Variants in FGF14 observed in about 807,000 individuals in gnomAD.
FGF14 encodes fibroblast growth factor 14, also known as fibroblast growth factor homologous factor 4.
Under a neutral mutation model 25.5 loss-of-function variants are expected in FGF14, and 5 were observed. The observed-to-expected ratio is 0.20, with a 90% confidence interval of 0.10 to 0.41. The LOEUF (loss-of-function observed/expected upper bound fraction) is 0.41. FGF14 is among the 10% of genes least tolerant of loss of function. FGF14 has a pLI of 1.00. For synonymous variants in FGF14, 138 were observed against 118.3 expected, an observed-to-expected ratio of 1.17 and a Z score of -1.08; for missense variants, 222 against 320.1, an observed-to-expected ratio of 0.69 and a Z score of 2.34.
intron 1 of FGF14, among the ~76,000 whole-genome samples, chr13:101,889,236 TA>T (rs199813455): frequency 6.6e-6 from 1 of 151,884 alleles, no homozygotes; most frequent in African/African-American, 2.4e-5. Flanking sequence ...AATTGCCATT[TA>T]AAAAAAATAA....
At chr13:101,812,638 TATATATATATATA>T (rs1297398734) in intron 3 of FGF14, among the ~76,000 whole-genome samples, 48 of 13,794 alleles carry the variant, frequency 3.5e-3, no homozygotes, top group Non-Finnish European at 5.2e-3. Context: ...TATATATATA[TATATATATATATA>T]TATTTTTTTT....
chr13:102,046,430 T>A (rs1369228987), intron 1 of FGF14, among the ~76,000 whole-genome samples: 5 of 152,200 alleles, frequency 3.3e-5, no homozygotes, highest in Non-Finnish European at 7.4e-5. Flanking sequence ...ATGTTATTAC[T>A]ATTTTAAAGA....
At chr13:102,163,562 C>A (rs2047871671) in intron 1 of FGF14, among the ~76,000 whole-genome samples, 1 of 152,094 alleles carries the variant, frequency 6.6e-6, no homozygotes, top group Admixed American at 6.6e-5. Context: ...CTTAGAGAAG[C>A]ACCAACTAGG....
At chr13:101,997,307 C>T (rs748362549) in intron 1 of FGF14, among the ~76,000 whole-genome samples, 74 of 152,234 alleles carry the variant, frequency 4.9e-4, no homozygotes, top group Non-Finnish European at 9.6e-4. Flanking sequence ...TGAATGGATG[C>T]TGCTTTGATT....
At chr13:102,214,274 T>C (rs1314869961) in intron 1 of FGF14, among the ~76,000 whole-genome samples, 1 of 152,238 alleles carries the variant, frequency 6.6e-6, no homozygotes, top group Non-Finnish European at 1.5e-5. Flanking sequence ...TTCAACCAAA[T>C]GATGAAATGT....
intron 1 of FGF14, chr13:102,046,127 A>T (rs1333102137): frequency 1.3e-5 from 2 of 154,300 alleles, no homozygotes; most frequent in Non-Finnish European, 2.9e-5. Flanking sequence ...CTGGGCAGGA[A>T]ACACTGACTC....
intron 1 of FGF14, among the ~76,000 whole-genome samples, chr13:102,230,436 G>C (rs6491672): frequency 0.81 from 122,962 of 152,142 alleles, 50,086 homozygotes; most frequent in African/African-American, 0.91. Flanking sequence ...CAATTACAAA[G>C]TAAAATAAAA....
At chr13:101,855,718 A>T (rs1259432407) in intron 3 of FGF14, among the ~76,000 whole-genome samples, 1 of 151,990 alleles carries the variant, frequency 6.6e-6, no homozygotes, top group African/African-American at 2.4e-5. Flanking sequence ...AGAACTGACC[A>T]TGAAGCATAA....
chr13:102,009,423 G>A (rs777513091), intron 1 of FGF14, among the ~76,000 whole-genome samples: 53 of 152,028 alleles, frequency 3.5e-4, no homozygotes, highest in Non-Finnish European at 6.0e-4. Flanking sequence ...TCAGTTTGAC[G>A]TGCATGAGTT....
intron 1 of FGF14, among the ~76,000 whole-genome samples, chr13:101,903,856 T>C (rs1333280594): frequency 1.3e-5 from 2 of 151,856 alleles, no homozygotes; most frequent in South Asian, 2.1e-4. Flanking sequence ...TTTGTGTTTG[T>C]TTGCTTGTTT....
chr13:102,125,089 A>T lies in FGF14; in HGVS notation c.209-249793T>A, dbSNP rs114050953. Among the ~76,000 whole-genome samples, 655 of 152,158 alleles carry T rather than the reference A, an allele frequency of 4.3e-3. 5 individuals are homozygous for T. The highest frequency in any genetic ancestry group is 0.015 in the African/African-American group (626 of 41,560). On this transcript the variant is annotated intron_variant, in intron 1 of 4. Coordinates refer to the FGF14 transcript ENST00000376131. Reference sequence around the variant, plus strand: ...GTTTTTTGTTTATCTCTTTTGAAAAACTTTAAACTGTGGATTGCTTCATCT... The same window carrying T: ...GTTTTTTGTTTATCTCTTTTGAAAATCTTTAAACTGTGGATTGCTTCATCT...
intron 1 of FGF14, among the ~76,000 whole-genome samples, chr13:101,994,315 A>G (rs958833007): frequency 6.6e-6 from 1 of 152,060 alleles, no homozygotes; most frequent in Non-Finnish European, 1.5e-5. Flanking sequence ...AGATTAATTA[A>G]TGTCAGTATA....
chr13:102,267,105 T>C (rs1045148123), intron 1 of FGF14, among the ~76,000 whole-genome samples: 3 of 152,206 alleles, frequency 2.0e-5, no homozygotes, highest in African/African-American at 7.2e-5. Context: ...GTGAAGTTAC[T>C]GGACCTTAAG....
chr13:102,329,087 C>A (rs1457234878), intron 1 of FGF14, among the ~76,000 whole-genome samples: 1 of 152,184 alleles, frequency 6.6e-6, no homozygotes, highest in African/African-American at 2.4e-5. Context: ...CCACTATGAC[C>A]TAACTGCTGA....
intron 3 of FGF14, among the ~76,000 whole-genome samples, chr13:101,754,444 A>G (rs2037509382): frequency 6.6e-6 from 1 of 152,094 alleles, no homozygotes; most frequent in Non-Finnish European, 1.5e-5. Context: ...AACAATAACA[A>G]ATGGCCAGGT....
chr13:102,314,881 C>A (rs959006023), intron 1 of FGF14, among the ~76,000 whole-genome samples: 1 of 151,090 alleles, frequency 6.6e-6, no homozygotes, highest in Non-Finnish European at 1.5e-5. Flanking sequence ...GATCTCACTT[C>A]TATTAGCTTT....
At chr13:101,972,756 G>T (rs147245334) in intron 1 of FGF14, among the ~76,000 whole-genome samples, 3 of 151,954 alleles carry the variant, frequency 2.0e-5, no homozygotes, top group Admixed American at 6.6e-5. Flanking sequence ...CTATCCTCCC[G>T]CCTCTGCCTC....
intron 1 of FGF14, among the ~76,000 whole-genome samples, chr13:102,217,491 T>C (rs1330893638): frequency 1.3e-5 from 2 of 152,188 alleles, no homozygotes; most frequent in Non-Finnish European, 2.9e-5. Flanking sequence ...TAAAAAATCA[T>C]TTTTATATTT....
chr13:102,185,877 G>A (rs1374324157), intron 1 of FGF14, among the ~76,000 whole-genome samples: 1 of 152,142 alleles, frequency 6.6e-6, no homozygotes, highest in African/African-American at 2.4e-5. Context: ...TGACTGCGAC[G>A]TTGTGAAGTC....
Sources: allele counts gnomAD v4.1 joint callset (sites outside exome capture counted in the v4.1 genomes callset), GRCh38; gene constraint gnomAD v4.1.1; transcripts MANE v1.5; gene names NCBI Gene and HGNC (gene_info 2026-07-23, HGNC 2026-07-21).